The following ANK3 variants were observed in gnomAD, a reference collection of about 807,000 sequenced individuals.
ANK3 encodes the protein ankyrin-3.
A neutral mutation model predicts 370.9 loss-of-function variants in ANK3; 57 were observed. The observed-to-expected ratio is 0.15, with a 90% CI of 0.12 to 0.19. The LOEUF (loss-of-function observed/expected upper bound fraction) is 0.19, where lower values mean the gene tolerates loss of function less well. Ranked by LOEUF, ANK3 falls within the 10% of genes least tolerant of loss-of-function variation. ANK3 has a pLI of 1.00. For synonymous variants in ANK3, 1,929 were observed against 1,946.3 expected (o/e 0.99, Z 0.23); for missense variants, 4,439 against 5,302.1 (o/e 0.84, Z 5.06).
intron 7 of ANK3, among the ~76,000 whole-genome samples, chr10:60,239,707 G>T (rs1455682361): frequency 6.6e-6 from 1 of 151,572 alleles, no homozygotes; most frequent in African/African-American, 2.4e-5. Context: ...AAAAAATGAA[G>T]GTAAGTAAAA....
intron 2 of ANK3, among the ~76,000 whole-genome samples, chr10:60,576,083 A>G (rs2077679157): frequency 1.3e-5 from 2 of 152,192 alleles, no homozygotes; most frequent in African/African-American, 4.8e-5. Context: ...AAATTCCCTC[A>G]GCTCTTGGGG....
chr10:60,663,178 G>A (rs539417601), intron 1 of ANK3, among the ~76,000 whole-genome samples: 6 of 152,254 alleles, frequency 3.9e-5, no homozygotes, highest in Admixed American at 6.5e-5. Flanking sequence ...AAAGCACTTC[G>A]TATTGTACAT....
chr10:60,279,417 CA>C, intron 2 of ANK3, 120 bp downstream of exon 2: 3 of 795,002 alleles, frequency 3.8e-6, no homozygotes, highest in South Asian at 1.8e-5. Context: ...AATAATTTGA[CA>C]ATGACAAGCT....
At chr10:60,337,625 T>C (rs1594066026) in intron 1 of ANK3, among the ~76,000 whole-genome samples, 1 of 152,300 alleles carries the variant, frequency 6.6e-6, no homozygotes, top group South Asian at 2.1e-4. Flanking sequence ...ACGTCTCTTT[T>C]ATCTCATAAT....
At chr10:60,545,195 A>C (rs1162320888) in intron 2 of ANK3, among the ~76,000 whole-genome samples, 2 of 152,012 alleles carry the variant, frequency 1.3e-5, no homozygotes, top group African/African-American at 2.4e-5. Flanking sequence ...AGACATGATC[A>C]GCAACATCAG....
At chr10:60,519,325 T>C (rs1446947568) in intron 2 of ANK3, among the ~76,000 whole-genome samples, 1 of 152,042 alleles carries the variant, frequency 6.6e-6, no homozygotes, top group Non-Finnish European at 1.5e-5. Flanking sequence ...TTTAAGACAC[T>C]AGACAGGTGT....
chr10:60,088,448 G>C, intron 28 of ANK3, 90 bp from the exon 29 acceptor site: 1 of 1,163,240 alleles, frequency 8.6e-7, no homozygotes. Context: ...TTTTTGAGAT[G>C]GAGTTTCACT....
intron 2 of ANK3, among the ~76,000 whole-genome samples, chr10:60,565,837 T>C (rs2077446796): frequency 6.6e-6 from 1 of 152,216 alleles, no homozygotes; most frequent in South Asian, 2.1e-4. Context: ...CTGCCACCAA[T>C]AAAGCCTGAA....
At chr10:60,079,225 A>ACACACCC (rs376356885) in intron 36 of ANK3, among the ~76,000 whole-genome samples, 2 of 142,648 alleles carry the variant, frequency 1.4e-5, no homozygotes, top group Admixed American at 1.4e-4. Flanking sequence ...ACACACACAC[A>ACACACCC]CCCCTCTTCT....
intron 8 of ANK3, among the ~76,000 whole-genome samples, chr10:60,217,411 C>T (rs1372681652): frequency 6.6e-6 from 1 of 152,120 alleles, no homozygotes; most frequent in Non-Finnish European, 1.5e-5. Context: ...ATAAAATTCC[C>T]TCTTAGCACT....
At chr10:60,187,134 A>ATTTTATTATCTATTTTT in intron 16 of ANK3, among the ~76,000 whole-genome samples, 1 of 144,738 alleles carries the variant, frequency 6.9e-6, no homozygotes, top group African/African-American at 2.5e-5. Context: ...TGGACATTTT[A>ATTTTATTATCTATTTTT]TTTATTTTAT....
At chr10:60,686,197 A>G (rs544380687) in intron 1 of ANK3, among the ~76,000 whole-genome samples, 1 of 152,286 alleles carries the variant, frequency 6.6e-6, no homozygotes, top group East Asian at 1.9e-4. Context: ...GTAAAATACA[A>G]AGAGCCTTAC....
chr10:60,165,705 G>A (rs888331264), intron 23 of ANK3, among the ~76,000 whole-genome samples: 1 of 152,164 alleles, frequency 6.6e-6, no homozygotes, highest in African/African-American at 2.4e-5. Flanking sequence ...GGCAAAAAAA[G>A]ACTAGCAACA....
Position 60,076,059 on chromosome 10 carries a change from C to G in ANK3, c.4822G>C (p.Ala1608Pro), listed in dbSNP as rs1409975144. 6.2e-7 allele frequency: 1 copy of G among 1,614,188 alleles called. No individual in the cohort carries two copies. Among genetic ancestry groups the G allele is most frequent in the Admixed American group, 1.7e-5 (1 of 60,034 alleles). The change falls in exon 37 of 44, where the codon GCT becomes CCT. Residue 1608 changes from alanine to proline, a missense_variant. Ala to Pro is a conservative substitution (Grantham distance 27). Coordinates refer to ENST00000280772, the MANE Select transcript of ANK3 (RefSeq NM_020987.5). ...TLARAPAVTE[A>P]TPLKGLASNS... ...GATGCCAGCCCTTTTAAGGGCGTAGCTTCCGTGACTGCTGGAGCTCTAGCC... is the reference window on the plus strand; with the variant it reads ...GATGCCAGCCCTTTTAAGGGCGTAGGTTCCGTGACTGCTGGAGCTCTAGCC...
intron 1 of ANK3, among the ~76,000 whole-genome samples, chr10:60,642,332 C>T (rs1482585020): frequency 4.6e-5 from 7 of 151,332 alleles, no homozygotes; most frequent in East Asian, 3.9e-4. Flanking sequence ...CACATGCACA[C>T]GTATGTTTAT....
chr10:60,298,891 TA>T (rs1337209286), intron 1 of ANK3, among the ~76,000 whole-genome samples: 1 of 152,246 alleles, frequency 6.6e-6, no homozygotes, highest in African/African-American at 2.4e-5. Flanking sequence ...TCTAACTATG[TA>T]ATTTATGATC....
chr10:60,684,634 G>T, intron 1 of ANK3: 1 of 1,589,882 alleles, frequency 6.3e-7, no homozygotes, highest in Non-Finnish European at 8.6e-7. Flanking sequence ...GCAGTTCAAT[G>T]AATTTGTAAA....
At chr10:60,493,176 A>C (rs2075568712) in intron 2 of ANK3, among the ~76,000 whole-genome samples, 1 of 152,024 alleles carries the variant, frequency 6.6e-6, no homozygotes, top group Non-Finnish European at 1.5e-5. Context: ...CATGCTAAAG[A>C]GGTAAGATTT....
intron 1 of ANK3, among the ~76,000 whole-genome samples, chr10:60,280,292 C>T (rs2098141992): frequency 6.6e-6 from 1 of 152,120 alleles, no homozygotes; most frequent in Admixed American, 6.6e-5. Context: ...CTCCTGGCCT[C>T]AAGCAATCCT....
Sources: allele counts gnomAD v4.1 joint callset (sites outside exome capture counted in the v4.1 genomes callset), GRCh38; gene constraint gnomAD v4.1.1; transcripts MANE v1.5; gene names NCBI Gene and HGNC (gene_info 2026-07-23, HGNC 2026-07-21).